PDE1C: variants seen among roughly 807,000 people sequenced by gnomAD.
PDE1C encodes phosphodiesterase 1C.
PDE1C carries 62 observed loss-of-function variants against 93.1 expected under a neutral mutation model. The ratio of observed to expected loss-of-function variants is 0.67; its 90% confidence interval spans 0.54 to 0.82. PDE1C has a LOEUF of 0.82. Among genes scored for constraint, PDE1C ranks in the 40% least tolerant of loss-of-function variants. The probability of loss-of-function intolerance (pLI) is 0.00; values close to 1 mark genes in which losing one functional copy is unlikely to be tolerated. For missense variants in PDE1C, 742 were observed against 884.6 expected, an observed-to-expected ratio of 0.84 and a Z score of 2.04; for synonymous variants, 325 against 310.1, an observed-to-expected ratio of 1.05 and a Z score of -0.50.
At chr7:32,383,051 T>C (rs1784562422) in intron 1 of PDE1C, among the ~76,000 whole-genome samples, 1 of 152,222 alleles carries the variant, frequency 6.6e-6, no homozygotes. Flanking sequence ...CTGTTCAAAA[T>C]TAACATTAGG....
intron 9 of PDE1C, among the ~76,000 whole-genome samples, chr7:31,845,455 T>C (rs1792441518): frequency 6.6e-6 from 1 of 152,078 alleles, no homozygotes; most frequent in Admixed American, 6.6e-5. Flanking sequence ...ACAAACTCTG[T>C]ATAGGTTCAG....
the PDE1C span, among the ~76,000 whole-genome samples, chr7:31,675,676 T>C: frequency 2.6e-5 from 4 of 151,784 alleles, no homozygotes; most frequent in Non-Finnish European, 5.9e-5. Context: ...ATAATTGCAT[T>C]CATACAAATT....
intron 3 of PDE1C, among the ~76,000 whole-genome samples, chr7:32,140,024 A>G (rs1800428075): frequency 6.6e-6 from 1 of 152,176 alleles, no homozygotes; most frequent in Non-Finnish European, 1.5e-5. Context: ...TCCTACTACT[A>G]TTCTTCTACA....
At chr7:32,035,961 CAAG>C (rs1376565707) in intron 2 of PDE1C, among the ~76,000 whole-genome samples, 1 of 152,126 alleles carries the variant, frequency 6.6e-6, no homozygotes, top group Admixed American at 6.5e-5. Flanking sequence ...GGATAATGAA[CAAG>C]AAGGACAGCC....
the PDE1C span, among the ~76,000 whole-genome samples, chr7:31,619,004 A>G: frequency 6.6e-6 from 1 of 152,220 alleles, no homozygotes; most frequent in South Asian, 2.1e-4. Flanking sequence ...ATCCCCTTAC[A>G]TTGTGTCTGA....
At chr7:31,919,476 A>C (rs1442026354) in intron 2 of PDE1C, among the ~76,000 whole-genome samples, 1 of 152,200 alleles carries the variant, frequency 6.6e-6, no homozygotes, top group Non-Finnish European at 1.5e-5. Context: ...TAACTACTAC[A>C]CAAGTATTGA....
At chr7:32,376,808 C>T (rs916983331) in intron 1 of PDE1C, among the ~76,000 whole-genome samples, 3 of 152,218 alleles carry the variant, frequency 2.0e-5, no homozygotes, top group African/African-American at 7.2e-5. Flanking sequence ...CCGCCTCAGC[C>T]TCCCGAGTAG....
At chr7:32,275,797 C>T (rs2128889559) in intron 1 of PDE1C, among the ~76,000 whole-genome samples, 1 of 152,260 alleles carries the variant, frequency 6.6e-6, no homozygotes, top group Non-Finnish European at 1.5e-5. Context: ...CTCCCAAACC[C>T]CACGACCACA....
chr7:31,643,510 TC>T, the PDE1C span: 1 of 1,614,022 alleles, frequency 6.2e-7, no homozygotes, highest in African/African-American at 1.3e-5. Context: ...CCAGATGTCC[TC>T]CAGCCTGGTG....
intron 1 of PDE1C, among the ~76,000 whole-genome samples, chr7:32,310,225 A>G (rs1443625758): frequency 6.6e-6 from 1 of 151,962 alleles, no homozygotes; most frequent in Non-Finnish European, 1.5e-5. Context: ...TATGCACCCA[A>G]TACAGGAGCA....
the PDE1C span, chr7:31,653,187 C>A: frequency 9.2e-6 from 2 of 216,870 alleles, no homozygotes; most frequent in Admixed American, 5.1e-5. Context: ...GTTAAGGATA[C>A]ACACCCAGAA....
chr7:31,975,324 T>A (rs1268134602), intron 2 of PDE1C, among the ~76,000 whole-genome samples: 2 of 152,170 alleles, frequency 1.3e-5, no homozygotes, highest in African/African-American at 4.8e-5. Context: ...ACTTAGTCAT[T>A]CAATGTCTAT....
At chr7:31,637,499 A>AT in the PDE1C span, among the ~76,000 whole-genome samples, 1 of 152,002 alleles carries the variant, frequency 6.6e-6, no homozygotes, top group African/African-American at 2.4e-5. Context: ...GATGATGAGC[A>AT]TTTTTTCATG....
chr7:32,206,941 C>T (rs185853354), intron 2 of PDE1C, among the ~76,000 whole-genome samples: 15 of 152,334 alleles, frequency 9.8e-5, no homozygotes, highest in African/African-American at 3.1e-4. Flanking sequence ...ATCCTCTCTG[C>T]TTCCTTTGAG....
At chr7:32,297,397 G>C (rs564690571) in intron 1 of PDE1C, among the ~76,000 whole-genome samples, 19 of 152,176 alleles carry the variant, frequency 1.2e-4, no homozygotes, top group African/African-American at 4.1e-4. Flanking sequence ...GGAAGTACTT[G>C]AGTACTTCCA....
At chr7:32,070,527 C>G (rs962053781), upstream of PDE1C, 68 of 1,493,504 alleles carry the variant, frequency 4.6e-5, no homozygotes, top group East Asian at 2.9e-4. Context: ...CGCGCTCCCC[C>G]TTCTGCGCCC....
intron 2 of PDE1C, among the ~76,000 whole-genome samples, chr7:31,964,675 C>A (rs1026211238): frequency 2.0e-5 from 3 of 152,214 alleles, no homozygotes; most frequent in Admixed American, 2.0e-4. Context: ...GGTTCCCTGA[C>A]CCCCGAGTAG....
intron 3 of PDE1C, among the ~76,000 whole-genome samples, chr7:32,107,641 C>T (rs1426187441): frequency 1.3e-5 from 2 of 151,842 alleles, no homozygotes; most frequent in Non-Finnish European, 2.9e-5. Flanking sequence ...ACCTACCTTG[C>T]CAGAAATGTT....
intron 2 of PDE1C, among the ~76,000 whole-genome samples, chr7:31,965,898 A>G (rs938998850): frequency 6.6e-6 from 1 of 152,210 alleles, no homozygotes; most frequent in Non-Finnish European, 1.5e-5. Context: ...CTTTACAGAC[A>G]AGCAAATGCT....
Sources: gnomAD v4.1 joint callset for allele counts (sites outside exome capture counted in the v4.1 genomes callset) on GRCh38, gnomAD v4.1.1 for gene constraint, MANE v1.5 for transcripts, NCBI Gene and HGNC (gene_info 2026-07-23, HGNC 2026-07-21) for gene names.